The following IL34 variants were observed in gnomAD, a reference collection of about 807,000 sequenced individuals.
The protein encoded by IL34 is interleukin 34, also known as interleukin-34.
In IL34, 17 loss-of-function variants were observed where a neutral mutation model predicts 25.3. That is an observed-to-expected ratio of 0.67 (90% CI 0.46 to 1.01). IL34 has a LOEUF of 1.01. IL34 is among the 50% of genes least tolerant of loss of function. IL34 has a pLI of 0.00. For missense variants in IL34, 368 were observed against 312.9 expected, an observed-to-expected ratio of 1.18 and a Z score of -1.33; for synonymous variants, 174 against 140.9, an observed-to-expected ratio of 1.23 and a Z score of -1.66.
intron 1 of IL34, among the ~76,000 whole-genome samples, chr16:70,622,131 T>C (rs1438353156): frequency 6.6e-6 from 1 of 151,990 alleles, no homozygotes; most frequent in Non-Finnish European, 1.5e-5. Flanking sequence ...TGGTCTGTTA[T>C]CAGACTGTAT....
chr16:70,644,018 C>T (rs944090751), upstream of IL34, among the ~76,000 whole-genome samples: 14 of 152,106 alleles, frequency 9.2e-5, no homozygotes, highest in African/African-American at 2.7e-4. Context: ...TCTGTTGCCC[C>T]GACTGGAGGG....
At chr16:70,652,122 C>G (rs139385477) in intron 1 of IL34, among the ~76,000 whole-genome samples, 1 of 144,074 alleles carries the variant, frequency 6.9e-6, no homozygotes, top group Non-Finnish European at 1.5e-5. Flanking sequence ...AGCGGGACTC[C>G]GTCTCAAAAA....
At chr16:70,615,030 T>C (rs1328295635) in intron 1 of IL34, among the ~76,000 whole-genome samples, 2 of 152,244 alleles carry the variant, frequency 1.3e-5, no homozygotes, top group South Asian at 2.1e-4. Context: ...TAACTGTTTA[T>C]ATTTTATTGG....
chr16:70,589,263 G>T (rs1301974245), intron 1 of IL34, among the ~76,000 whole-genome samples: 1 of 151,966 alleles, frequency 6.6e-6, no homozygotes, highest in African/African-American at 2.4e-5. Context: ...TTTAACTTTT[G>T]TTTTAGATTC....
Position 70,609,554 on chromosome 16 carries a change from T to A in IL34, c.-401+29505T>A, listed in dbSNP as rs554851463. 8.5e-5 allele frequency among the ~76,000 whole-genome samples: 13 copies of A among 152,212 alleles called. No homozygotes were observed. The East Asian group carries it at 2.5e-3, about 29-fold the overall frequency. On this transcript the variant is annotated intron_variant, in intron 1 of 6. Coordinates refer to the IL34 transcript ENST00000429149. ...CTGTGCAGATCAAGCAACAAGCAAG[T>A]GCGTACCAAGTGCATGGCACAGCGC...
chr16:70,624,715 C>T (rs1017661659), intron 1 of IL34, among the ~76,000 whole-genome samples: 3 of 151,884 alleles, frequency 2.0e-5, no homozygotes, highest in Non-Finnish European at 4.4e-5. Flanking sequence ...TGGGGAAGGG[C>T]TAGTCACTGA....
chr16:70,643,609 A>G (rs1391037024), upstream of IL34, among the ~76,000 whole-genome samples: 1 of 152,172 alleles, frequency 6.6e-6, no homozygotes, highest in African/African-American at 2.4e-5. Context: ...CCCTGGGCTG[A>G]AGCGATCCCC....
At chr16:70,631,452 T>G (rs1164302780) in intron 1 of IL34, among the ~76,000 whole-genome samples, 1 of 152,206 alleles carries the variant, frequency 6.6e-6, no homozygotes, top group Non-Finnish European at 1.5e-5. Flanking sequence ...TTATTAACTT[T>G]TAAAACAAAA....
At chr16:70,636,589 AC>A (rs1567456694) in intron 1 of IL34, among the ~76,000 whole-genome samples, 4 of 38,172 alleles carry the variant, frequency 1.0e-4, no homozygotes, top group Admixed American at 1.7e-4. Flanking sequence ...ACCCTGTCAC[AC>A]ACACACACAC....
rs564022469 is a variant in IL34, at chr16:70,640,752, GATAAATTTCAACAA to G, written c.-400-5791_-400-5778del. ...CTCATCCTCTTTAAGCATACGGTTG[GATAAATTTCAACAA>G]ATAATATACCAACGCTTCATTCAGG... On this transcript the variant is annotated intron_variant, in intron 1 of 6. Coordinates refer to the IL34 transcript ENST00000429149. 1.2e-3 allele frequency among the ~76,000 whole-genome samples: 185 copies of G among 152,178 alleles called. 3 individuals carry two copies. Among genetic ancestry groups the G allele is most frequent in the South Asian group, 1.9e-3 (9 of 4,814 alleles).
At chr16:70,619,310 A>G (rs1308853267) in intron 1 of IL34, among the ~76,000 whole-genome samples, 1 of 151,992 alleles carries the variant, frequency 6.6e-6, no homozygotes, top group Non-Finnish European at 1.5e-5. Flanking sequence ...CTTGTGGGTT[A>G]AGGTGGGGGA....
intron 1 of IL34, among the ~76,000 whole-genome samples, chr16:70,634,622 G>T (rs1264906549): frequency 6.6e-6 from 1 of 151,816 alleles, no homozygotes; most frequent in Non-Finnish European, 1.5e-5. Context: ...GGAGGTTGCA[G>T]TGAGCCGAGA....
intron 1 of IL34, among the ~76,000 whole-genome samples, chr16:70,589,788 A>T (rs1429716356): frequency 6.6e-6 from 1 of 151,954 alleles, no homozygotes. Context: ...ACGCCCAGCT[A>T]TTTTTTGTAT....
At chr16:70,582,640 A>C (rs1392017043) in intron 1 of IL34, among the ~76,000 whole-genome samples, 2 of 152,210 alleles carry the variant, frequency 1.3e-5, no homozygotes, top group Non-Finnish European at 2.9e-5. Context: ...TCAAGGCTGC[A>C]CTCCAGAGCC....
intron 1 of IL34, among the ~76,000 whole-genome samples, chr16:70,608,680 T>C (rs948518859): frequency 1.3e-5 from 2 of 152,202 alleles, no homozygotes; most frequent in Non-Finnish European, 2.9e-5. Context: ...CAGGTGAGCC[T>C]TAGGCCAAGG....
At chr16:70,659,348 C>G (rs900478680) in intron 4 of IL34, among the ~76,000 whole-genome samples, 1 of 152,230 alleles carries the variant, frequency 6.6e-6, no homozygotes, top group African/African-American at 2.4e-5. Context: ...GCCCCACTTT[C>G]CTCACTGTCC....
At chr16:70,626,712 C>T (rs2051401936) in intron 1 of IL34, among the ~76,000 whole-genome samples, 1 of 151,804 alleles carries the variant, frequency 6.6e-6, no homozygotes, top group Non-Finnish European at 1.5e-5. Context: ...ATGATGTCTC[C>T]TATGTTTTCT....
chr16:70,656,518 T>TAAA, intron 2 of IL34, 84 bp from the exon 3 acceptor site: 1 of 833,600 alleles, frequency 1.2e-6, no homozygotes, highest in Non-Finnish European at 2.1e-6. Flanking sequence ...GACTAACTGT[T>TAAA]AAAAAAAACA....
chr16:70,596,063 A>G (rs1196185158), intron 1 of IL34, among the ~76,000 whole-genome samples: 3 of 151,710 alleles, frequency 2.0e-5, no homozygotes, highest in Non-Finnish European at 4.4e-5. Flanking sequence ...AAACAACAGA[A>G]GTGTATTGTT....
Sources: allele counts gnomAD v4.1 joint callset (sites outside exome capture counted in the v4.1 genomes callset), GRCh38; gene constraint gnomAD v4.1.1; transcripts MANE v1.5; gene names NCBI Gene and HGNC (gene_info 2026-07-23, HGNC 2026-07-21).